The following NTRK2 variants were observed in gnomAD, a reference collection of about 807,000 sequenced individuals.
The protein encoded by NTRK2 is BDNF/NT-3 growth factors receptor.
A neutral mutation model predicts 94.5 loss-of-function variants in NTRK2; 13 were observed. The ratio of observed to expected loss-of-function variants is 0.14; its 90% CI spans 0.09 to 0.22. The LOEUF is 0.22. Among genes scored for constraint, NTRK2 ranks in the 10% least tolerant of loss-of-function variants. NTRK2 has a pLI of 1.00. For missense variants in NTRK2, 639 were observed against 1,071.2 expected, an observed-to-expected ratio of 0.60 and a Z score of 5.63; for synonymous variants, 372 against 407.4, an observed-to-expected ratio of 0.91 and a Z score of 1.05.
chr9:84,927,486 G>T (rs1286728872), intron 14 of NTRK2, among the ~76,000 whole-genome samples: 1 of 152,066 alleles, frequency 6.6e-6, no homozygotes, highest in East Asian at 1.9e-4. Flanking sequence ...CCTAGAAAAT[G>T]CTGAGGCACT....
At chr9:84,827,396 C>G (rs2073255880) in intron 12 of NTRK2, among the ~76,000 whole-genome samples, 1 of 152,182 alleles carries the variant, frequency 6.6e-6, no homozygotes, top group Non-Finnish European at 1.5e-5. Flanking sequence ...AAGCAAAGTA[C>G]TGTCTTCAGG....
intron 14 of NTRK2, chr9:84,877,690 G>C: frequency 9.4e-7 from 1 of 1,062,690 alleles, no homozygotes; most frequent in Non-Finnish European, 1.1e-6. Flanking sequence ...TTTCATGCAA[G>C]GGAGCGGACC....
intron 12 of NTRK2, chr9:84,814,974 T>G: frequency 1.9e-5 from 20 of 1,059,502 alleles, no homozygotes; most frequent in Non-Finnish European, 2.3e-5. Context: ...TCTAAAGACA[T>G]AGGGGAAGAT....
At chr9:84,870,417 A>T (rs1254795158) in intron 14 of NTRK2, among the ~76,000 whole-genome samples, 13 of 142,494 alleles carry the variant, frequency 9.1e-5, no homozygotes, top group Non-Finnish European at 1.7e-4. Flanking sequence ...GCTCACTATA[A>T]CCTTGACCTC....
chr9:85,008,281 C>T (rs560264097), intron 17 of NTRK2, among the ~76,000 whole-genome samples: 3 of 152,188 alleles, frequency 2.0e-5, no homozygotes, highest in African/African-American at 7.2e-5. Flanking sequence ...AGAACAAACT[C>T]TGGAGGGCAG....
intron 11 of NTRK2, among the ~76,000 whole-genome samples, chr9:84,748,196 C>G (rs752324143): frequency 7.9e-5 from 12 of 152,326 alleles, no homozygotes; most frequent in Non-Finnish European, 2.9e-5. Flanking sequence ...ACCAAACAAA[C>G]TCACCCATGC....
At chr9:84,692,656 G>A (rs887675371) in intron 2 of NTRK2, among the ~76,000 whole-genome samples, 3 of 151,502 alleles carry the variant, frequency 2.0e-5, no homozygotes, top group Admixed American at 6.6e-5. Context: ...TAGTAGAGAC[G>A]GGGTTTCTCC....
At chr9:84,969,873 C>A (rs974164748) in intron 17 of NTRK2, among the ~76,000 whole-genome samples, 6 of 152,200 alleles carry the variant, frequency 3.9e-5, no homozygotes, top group Non-Finnish European at 7.3e-5. Flanking sequence ...GCATTGTAAA[C>A]CAGTGCACGA....
intron 12 of NTRK2, among the ~76,000 whole-genome samples, chr9:84,824,845 T>G (rs2131608079): frequency 6.6e-6 from 1 of 152,136 alleles, no homozygotes. Context: ...CTATTCATGG[T>G]TTTAATTTGG....
rs1345340896 is a variant in NTRK2 at position 84,936,040 on chromosome 9, AC to A, written c.1764+1751del. Among the ~76,000 whole-genome samples the A allele has an allele frequency of 4.6e-5, 7 of 152,270 alleles. No individual in the cohort carries two copies. In the East Asian group the frequency reaches 1.4e-3, roughly 29 times the overall value. On this transcript the variant is annotated intron_variant, in intron 15 of 18. Transcript: ENST00000277120. The stretch of plus-strand genomic sequence containing the variant: ...TTCTGGGTGCATATTTTGTACTGCC[AC>A]CCAGGAAGCTAAGTCAGACCTTCAG...
chr9:84,846,341 T>A (rs2074471826), intron 12 of NTRK2, among the ~76,000 whole-genome samples: 1 of 152,204 alleles, frequency 6.6e-6, no homozygotes, highest in East Asian at 1.9e-4. Flanking sequence ...ATCAATAGAA[T>A]GCAGTTTTCC....
chr9:84,839,309 G>T (rs2074044094), intron 12 of NTRK2, among the ~76,000 whole-genome samples: 1 of 152,196 alleles, frequency 6.6e-6, no homozygotes, highest in African/African-American at 2.4e-5. Context: ...GGCCTGTCTT[G>T]TATCCTGTTC....
At chr9:84,707,707 A>G in intron 4 of NTRK2, 137 bp from the exon 5 acceptor site, 1 of 670,044 alleles carries the variant, frequency 1.5e-6, no homozygotes, top group South Asian at 2.1e-5. Flanking sequence ...AGTGAAAGAG[A>G]GAGAGATCTG....
chr9:84,884,854 C>A (rs987716987), intron 14 of NTRK2, among the ~76,000 whole-genome samples: 1 of 152,146 alleles, frequency 6.6e-6, no homozygotes, highest in Non-Finnish European at 1.5e-5. Context: ...TAAATATTTT[C>A]TTTATTTAAT....
chr9:84,858,665 T>C (rs2075183487), intron 12 of NTRK2, among the ~76,000 whole-genome samples: 1 of 152,214 alleles, frequency 6.6e-6, no homozygotes, highest in African/African-American at 2.4e-5. Context: ...ACTGACTTCT[T>C]GGATGGCTCA....
intron 9 of NTRK2, among the ~76,000 whole-genome samples, chr9:84,730,612 C>CAT (rs2062784403): frequency 7.1e-6 from 1 of 140,312 alleles, no homozygotes; most frequent in Non-Finnish European, 1.5e-5. Context: ...TGGTAGCGGG[C>CAT]GCCTGTAGTC....
chr9:84,897,371 G>A (rs548439382), intron 14 of NTRK2, among the ~76,000 whole-genome samples: 11 of 152,276 alleles, frequency 7.2e-5, no homozygotes, highest in African/African-American at 2.2e-4. Flanking sequence ...TCCTGAACTC[G>A]TGATCTGCCT....
At chr9:84,973,091 A>G (rs573223826) in intron 17 of NTRK2, among the ~76,000 whole-genome samples, 4 of 152,334 alleles carry the variant, frequency 2.6e-5, no homozygotes, top group Non-Finnish European at 5.9e-5. Context: ...CATTATATTT[A>G]TGACATAAGT....
chr9:84,834,684 T>C (rs543454500), intron 12 of NTRK2, among the ~76,000 whole-genome samples: 1 of 152,284 alleles, frequency 6.6e-6, no homozygotes, highest in South Asian at 2.1e-4. Context: ...TTGAGAGTTC[T>C]AGTTCAAGCC....
Sources: gnomAD v4.1 joint callset for allele counts (sites outside exome capture counted in the v4.1 genomes callset) on GRCh38, gnomAD v4.1.1 for gene constraint, MANE v1.5 for transcripts, NCBI Gene and HGNC (gene_info 2026-07-23, HGNC 2026-07-21) for gene names.